The following GPC5 variants were observed in gnomAD, a reference collection of about 807,000 sequenced individuals.
GPC5 encodes the protein glypican 5.
A neutral mutation model predicts 53.9 loss-of-function variants in GPC5; 47 were observed. The ratio of observed to expected loss-of-function variants is 0.87; its 90% CI spans 0.69 to 1.11. The LOEUF (loss-of-function observed/expected upper bound fraction) is 1.11. GPC5 is among the 50% of genes most tolerant of loss of function. GPC5 has a pLI of 0.00. For synonymous variants in GPC5, 286 were observed against 263.3 expected, an observed-to-expected ratio of 1.09 and a Z score of -0.84; for missense variants, 748 against 713.1, an observed-to-expected ratio of 1.05 and a Z score of -0.56.
intron 7 of GPC5, among the ~76,000 whole-genome samples, chr13:92,626,864 T>C (rs1885062530): frequency 6.6e-6 from 1 of 152,196 alleles, no homozygotes; most frequent in Non-Finnish European, 1.5e-5. Context: ...ATTTTCAGTA[T>C]ATAATGAAAT....
At chr13:92,722,460 C>A (rs1888532728) in intron 7 of GPC5, among the ~76,000 whole-genome samples, 1 of 151,848 alleles carries the variant, frequency 6.6e-6, no homozygotes. Context: ...GCCACTTAAC[C>A]ACAGAATAAA....
intron 7 of GPC5, among the ~76,000 whole-genome samples, chr13:92,380,962 CT>C (rs2043734142): frequency 1.3e-5 from 2 of 151,906 alleles, no homozygotes; most frequent in South Asian, 4.2e-4. Flanking sequence ...AAGGATTTCA[CT>C]TTTGAGACTT....
intron 7 of GPC5, among the ~76,000 whole-genome samples, chr13:92,718,967 T>TTGAGG (rs1324450325): frequency 6.6e-6 from 1 of 151,938 alleles, no homozygotes; most frequent in Non-Finnish European, 1.5e-5. Flanking sequence ...GGATAAATGC[T>TTGAGG]TGAGGTGATA....
intron 4 of GPC5, among the ~76,000 whole-genome samples, chr13:91,738,756 T>G (rs1457071919): frequency 6.6e-6 from 1 of 151,486 alleles, no homozygotes; most frequent in Non-Finnish European, 1.5e-5. Flanking sequence ...ACTACTTCAT[T>G]GAACAATATA....
chr13:92,110,267 T>C (rs1167796630), intron 6 of GPC5, among the ~76,000 whole-genome samples: 2 of 152,128 alleles, frequency 1.3e-5, no homozygotes, highest in Non-Finnish European at 2.9e-5. Flanking sequence ...TGGAAGGGAA[T>C]TTTTACTCAT....
At chr13:92,421,968 T>C (rs1876587997) in intron 7 of GPC5, among the ~76,000 whole-genome samples, 1 of 152,100 alleles carries the variant, frequency 6.6e-6, no homozygotes, top group South Asian at 2.1e-4. Flanking sequence ...TTTGACTTCC[T>C]GGAGGTCAAC....
chr13:91,439,323 A>G (rs535961877), intron 1 of GPC5, among the ~76,000 whole-genome samples: 3 of 152,234 alleles, frequency 2.0e-5, no homozygotes, highest in Non-Finnish European at 4.4e-5. Flanking sequence ...TGGGTTCGAG[A>G]CAGCTCCCTG....
intron 7 of GPC5, among the ~76,000 whole-genome samples, chr13:92,791,879 A>G (rs577383037): frequency 1.3e-5 from 2 of 152,254 alleles, no homozygotes; most frequent in African/African-American, 4.8e-5. Context: ...TCATTTAACA[A>G]TTTTAAGTGC....
intron 7 of GPC5, among the ~76,000 whole-genome samples, chr13:92,149,873 T>A (rs1202499313): frequency 6.6e-6 from 1 of 151,998 alleles, no homozygotes; most frequent in Non-Finnish European, 1.5e-5. Flanking sequence ...TGTAGTCTCA[T>A]TGATTTTTTT....
intron 7 of GPC5, among the ~76,000 whole-genome samples, chr13:92,234,814 C>T (rs1347329530): frequency 6.6e-6 from 1 of 152,118 alleles, no homozygotes; most frequent in Non-Finnish European, 1.5e-5. Flanking sequence ...TCAAACAGCT[C>T]TTTCTATATC....
At chr13:92,762,955 C>CT (rs201492711) in intron 7 of GPC5, among the ~76,000 whole-genome samples, 42 of 149,888 alleles carry the variant, frequency 2.8e-4, no homozygotes, top group South Asian at 4.2e-4. Context: ...TTTCTGTTTC[C>CT]TTTTTTTTTA....
chr13:91,786,945 C>T (rs1449692630), intron 5 of GPC5, among the ~76,000 whole-genome samples: 8 of 142,826 alleles, frequency 5.6e-5, no homozygotes, highest in South Asian at 2.2e-4. Flanking sequence ...AAGTGTTTCT[C>T]TTTTTTTTTT....
intron 7 of GPC5, among the ~76,000 whole-genome samples, chr13:92,542,238 A>G (rs921803387): frequency 1.3e-5 from 2 of 151,948 alleles, no homozygotes; most frequent in African/African-American, 4.8e-5. Flanking sequence ...AAGTTGTTAA[A>G]TGTAGTCACT....
chr13:92,761,214 G>A (rs945677666), intron 7 of GPC5, among the ~76,000 whole-genome samples: 1 of 152,118 alleles, frequency 6.6e-6, no homozygotes, highest in Non-Finnish European at 1.5e-5. Context: ...CTGGGGTGCA[G>A]TGGCTATTTG....
chr13:92,226,903 A>G (rs2042491067), intron 7 of GPC5, among the ~76,000 whole-genome samples: 1 of 152,062 alleles, frequency 6.6e-6, no homozygotes, highest in African/African-American at 2.4e-5. Context: ...CCTGGCTGCA[A>G]CAAGCAGAAC....
At chr13:92,029,675 TTGCTG>T (rs1461737659) in intron 6 of GPC5, among the ~76,000 whole-genome samples, 2 of 152,240 alleles carry the variant, frequency 1.3e-5, no homozygotes, top group Non-Finnish European at 2.9e-5. Context: ...GGTTGACTCA[TTGCTG>T]TTTGATTTCT....
At chr13:91,494,837 CA>C (rs896585763) in intron 2 of GPC5, among the ~76,000 whole-genome samples, 2 of 152,132 alleles carry the variant, frequency 1.3e-5, no homozygotes, top group Non-Finnish European at 1.5e-5. Flanking sequence ...CCTTCAGTGC[CA>C]ACTCTAAACT....
intron 5 of GPC5, among the ~76,000 whole-genome samples, chr13:91,850,480 G>T (rs529884350): frequency 6.6e-6 from 1 of 152,184 alleles, no homozygotes; most frequent in African/African-American, 2.4e-5. Flanking sequence ...GTTGCCCTCT[G>T]CAACACCTAT....
intron 7 of GPC5, among the ~76,000 whole-genome samples, chr13:92,315,053 A>G (rs932730898): frequency 1.2e-4 from 19 of 152,214 alleles, no homozygotes; most frequent in African/African-American, 4.1e-4. Context: ...CTGGGATTAC[A>G]GGTATGAGCC....
Sources: gnomAD v4.1 joint callset for allele counts (sites outside exome capture counted in the v4.1 genomes callset) on GRCh38, gnomAD v4.1.1 for gene constraint, MANE v1.5 for transcripts, NCBI Gene and HGNC (gene_info 2026-07-23, HGNC 2026-07-21) for gene names.